Variants in TMEM65 observed in about 807,000 individuals in gnomAD.
TMEM65 encodes transmembrane protein 65.
Under a neutral mutation model 25.4 loss-of-function variants are expected in TMEM65, and 22 were observed. The observed-to-expected ratio is 0.86, with a 90% CI of 0.62 to 1.23. TMEM65 has a LOEUF of 1.23. Ranked by LOEUF, TMEM65 falls within the 50% of genes most tolerant of loss-of-function variation. TMEM65 has a pLI of 0.00. For synonymous variants in TMEM65, 132 were observed against 126.2 expected, an observed-to-expected ratio of 1.05 and a Z score of -0.31; for missense variants, 262 against 308.2, an observed-to-expected ratio of 0.85 and a Z score of 1.12.
Position 124,339,191 on chromosome 8 carries a change from C to CAAA in TMEM65, c.305-8402_305-8400dup, listed in dbSNP as rs1168433838. On this transcript the variant is annotated intron_variant, in intron 1 of 6. Transcript: ENST00000297632. ...TGGGCAACAGAGCAAGACTCTGTCTCAAAAAAAAAAAAAAAAAAAAAAAAA... is the reference window on the plus strand; with the variant it reads ...TGGGCAACAGAGCAAGACTCTGTCTCAAAAAAAAAAAAAAAAAAAAAAAAAAAA... Among the ~76,000 whole-genome samples, 50 of 43,532 alleles carry CAAA rather than the reference C, an allele frequency of 1.1e-3. 2 individuals carry two copies. The highest frequency in any genetic ancestry group is 1.7e-3 in the Admixed American group (4 of 2,420). 28.6% of individuals were successfully genotyped at this position (43,532 alleles called of 152,430 possible). A position where few individuals can be genotyped will look rare whatever the true frequency, so the allele number is the denominator to read the frequency against.
intron 1 of TMEM65, among the ~76,000 whole-genome samples, chr8:124,351,377 T>C (rs1459700759): frequency 1.3e-5 from 2 of 152,146 alleles, no homozygotes; most frequent in East Asian, 1.9e-4. Context: ...ACTCTCTTAT[T>C]GACAGGTATA....
intron 1 of TMEM65, among the ~76,000 whole-genome samples, chr8:124,360,477 C>A (rs1814845758): frequency 6.6e-6 from 1 of 151,316 alleles, no homozygotes; most frequent in Non-Finnish European, 1.5e-5. Flanking sequence ...GTGTCTGCCT[C>A]TGTGCACCAG....
At chr8:124,364,948 CAGACA>C (rs1262038525) in intron 1 of TMEM65, among the ~76,000 whole-genome samples, 1 of 152,086 alleles carries the variant, frequency 6.6e-6, no homozygotes, top group Non-Finnish European at 1.5e-5. Context: ...CAAAGGAAAC[CAGACA>C]AGAGTGTGGT....
chr8:124,320,251 G>A, intron 5 of TMEM65, 60 bp from the exon 6 acceptor site: 1 of 1,346,374 alleles, frequency 7.4e-7, no homozygotes, highest in Non-Finnish European at 1.0e-6. Context: ...CTTTACAAAA[G>A]CAAACAAAAC....
At chr8:124,367,614 T>C (rs1167070812) in intron 1 of TMEM65, among the ~76,000 whole-genome samples, 1 of 152,240 alleles carries the variant, frequency 6.6e-6, no homozygotes, top group Admixed American at 6.5e-5. Flanking sequence ...CTAATTTATT[T>C]TTAAGTGTTT....
chr8:124,346,484 C>T (rs1814642199), intron 1 of TMEM65, among the ~76,000 whole-genome samples: 1 of 151,864 alleles, frequency 6.6e-6, no homozygotes. Context: ...ATATTTCAGC[C>T]TATTATCATG....
At chr8:124,335,349 G>A (rs924119635) in intron 1 of TMEM65, among the ~76,000 whole-genome samples, 5 of 152,158 alleles carry the variant, frequency 3.3e-5, no homozygotes, top group African/African-American at 9.6e-5. Flanking sequence ...TACAGAAAGT[G>A]CAAGAGAAAT....
intron 1 of TMEM65, among the ~76,000 whole-genome samples, chr8:124,368,982 T>A (rs1019925938): frequency 6.6e-6 from 1 of 152,222 alleles, no homozygotes; most frequent in Admixed American, 6.5e-5. Context: ...CTTTAAAAAA[T>A]AATTATAAAT....
At chr8:124,329,418 TA>T (rs1814405586) in intron 2 of TMEM65, among the ~76,000 whole-genome samples, 1 of 149,914 alleles carries the variant, frequency 6.7e-6, no homozygotes, top group Admixed American at 6.6e-5. Context: ...TGGTTAGGAT[TA>T]ATTAGCATTT....
chr8:124,343,991 G>A (rs1272698486), intron 1 of TMEM65, among the ~76,000 whole-genome samples: 1 of 152,154 alleles, frequency 6.6e-6, no homozygotes, highest in Non-Finnish European at 1.5e-5. Flanking sequence ...CTTGTCAGTA[G>A]CCTCCAACCT....
chr8:124,322,994 CTAAATAAATAAATAAA>C (rs199541134), intron 4 of TMEM65, among the ~76,000 whole-genome samples: 79 of 149,822 alleles, frequency 5.3e-4, no homozygotes, highest in African/African-American at 1.8e-3. Flanking sequence ...GACCCCGTCT[CTAAATAAATAAATAAA>C]TAAATAAATA....
At chr8:124,360,150 G>T (rs911650730) in intron 1 of TMEM65, among the ~76,000 whole-genome samples, 2 of 152,026 alleles carry the variant, frequency 1.3e-5, no homozygotes, top group African/African-American at 4.8e-5. Flanking sequence ...AAAAATCTCG[G>T]CCAGGCACAG....
At chr8:124,338,268 ATT>A (rs1197104618) in intron 1 of TMEM65, among the ~76,000 whole-genome samples, 4 of 152,122 alleles carry the variant, frequency 2.6e-5, no homozygotes, top group Non-Finnish European at 5.9e-5. Context: ...ATTATTAGAT[ATT>A]TGTTACTTTT....
Position 124,312,240 on chromosome 8 carries a change from T to C in TMEM65, c.*1720A>G, listed in dbSNP as rs1563587306. ...GGAAGATACAAACCGAAATTCTATT[T>C]AAGATCTCAAGTTCTAGAATCATGA... On this transcript the variant is annotated 3_prime_UTR_variant, in exon 7 of 7. Coordinates refer to ENST00000297632, the MANE Select transcript of TMEM65 (RefSeq NM_194291.3). 1 of 151,980 alleles carries C rather than the reference T, an allele frequency of 6.6e-6. No homozygotes were observed. Among genetic ancestry groups the C allele is most frequent in the Non-Finnish European group, 1.5e-5 (1 of 67,898 alleles). The allele number at this position is 151,980 out of a possible 1,614,324, so 9.4% of individuals were successfully genotyped here. A position where few individuals can be genotyped will look rare whatever the true frequency, so the allele number is the denominator to read the frequency against.
intron 1 of TMEM65, among the ~76,000 whole-genome samples, chr8:124,346,855 T>A (rs1814645435): frequency 6.6e-6 from 1 of 152,208 alleles, no homozygotes; most frequent in Admixed American, 6.5e-5. Context: ...GGGTCTCAGT[T>A]ACCCACAATT....
chr8:124,320,733 CCTTA>C (rs1814294385), intron 5 of TMEM65, among the ~76,000 whole-genome samples: 1 of 152,160 alleles, frequency 6.6e-6, no homozygotes, highest in South Asian at 2.1e-4. Context: ...TTGGATACAT[CCTTA>C]CTTTATGAAC....
chr8:124,369,772 C>T (rs904254259), intron 1 of TMEM65, among the ~76,000 whole-genome samples: 2 of 152,130 alleles, frequency 1.3e-5, no homozygotes, highest in African/African-American at 4.8e-5. Context: ...CTAGTTATCT[C>T]CATAACTATA....
At chr8:124,332,298 C>G (rs1020513742) in intron 1 of TMEM65, among the ~76,000 whole-genome samples, 5 of 152,134 alleles carry the variant, frequency 3.3e-5, no homozygotes, top group African/African-American at 9.7e-5. Flanking sequence ...TTAGTCTCAT[C>G]ATCACTACAG....
rs886723878 is a variant in TMEM65, at chr8:124,309,671, T to C, written c.*4289A>G. On this transcript the variant is annotated 3_prime_UTR_variant, in exon 7 of 7. Coordinates refer to ENST00000297632, the MANE Select transcript of TMEM65 (RefSeq NM_194291.3). ...CAGGTCTTCACTGACCATCTTCACT[T>C]ATGACCACTGGTACTTTCTATCCTC... 2.0e-5 allele frequency: 3 copies of C among 152,282 alleles called. No homozygotes were observed. Among genetic ancestry groups the C allele is most frequent in the African/African-American group, 7.2e-5 (3 of 41,456 alleles). The allele number at this position is 152,282 out of a possible 1,614,324, so 9.4% of individuals were successfully genotyped here.
Sources: gnomAD v4.1 joint callset for allele counts (sites outside exome capture counted in the v4.1 genomes callset) on GRCh38, gnomAD v4.1.1 for gene constraint, MANE v1.5 for transcripts, NCBI Gene and HGNC (gene_info 2026-07-23, HGNC 2026-07-21) for gene names.